The following RAD18 variants were observed in gnomAD, a reference collection of about 807,000 sequenced individuals.
RAD18 encodes the protein RAD18 E3 ubiquitin protein ligase, also known as E3 ubiquitin-protein ligase RAD18.
Under a neutral mutation model 60.4 loss-of-function variants are expected in RAD18, and 47 were observed. The ratio of observed to expected loss-of-function variants is 0.78; its 90% confidence interval spans 0.62 to 0.99. The LOEUF is 0.99. Among genes scored for constraint, RAD18 ranks in the 50% least tolerant of loss-of-function variants. RAD18 has a pLI of 0.00. For missense variants in RAD18, 640 were observed against 593.3 expected (o/e 1.08, Z -0.82); for synonymous variants, 225 against 195.5 (o/e 1.15, Z -1.26).
Position 8,881,465 on chromosome 3 carries a change from GAC to G in RAD18, c.1386-8_1386-7del, listed in dbSNP as rs781575602. ...CTGTGTCTTGAAGATCGTTTCTGAA[GAC>G]AGAAAAAGGAAATGACATCTTGGAA... On this transcript the variant is annotated splice_region_variant and splice_polypyrimidine_tract_variant and intron_variant, in intron 12 of 12. Transcript: ENST00000264926. 2 of 1,579,282 alleles carry G rather than the reference GAC, an allele frequency of 1.3e-6. No individual in the cohort carries two copies.
chr3:8,925,106 A>T (rs1442784809), intron 7 of RAD18, among the ~76,000 whole-genome samples: 1 of 151,948 alleles, frequency 6.6e-6, no homozygotes, highest in African/African-American at 2.4e-5. Flanking sequence ...CCTTCAAAAA[A>T]TCAATGAATC....
At chr3:8,902,159 G>A (rs962736271) in intron 10 of RAD18, among the ~76,000 whole-genome samples, 3 of 152,118 alleles carry the variant, frequency 2.0e-5, no homozygotes, top group Non-Finnish European at 2.9e-5. Context: ...CTGAAAGGAC[G>A]ATAGACAAAA....
chr3:8,939,027 A>G (rs1940700015), intron 6 of RAD18, among the ~76,000 whole-genome samples: 1 of 152,082 alleles, frequency 6.6e-6, no homozygotes, highest in African/African-American at 2.4e-5. Flanking sequence ...CAATACCTGG[A>G]GGATGGGGGG....
At chr3:8,946,564 T>C (rs974730804) in intron 4 of RAD18, among the ~76,000 whole-genome samples, 1 of 152,240 alleles carries the variant, frequency 6.6e-6, no homozygotes, top group Non-Finnish European at 1.5e-5. Context: ...CCTTTTCATA[T>C]CCCTTTGGGT....
chr3:8,912,406 C>T, intron 8 of RAD18, 34 bp from the exon 9 acceptor site: 2 of 1,425,780 alleles, frequency 1.4e-6, no homozygotes, highest in East Asian at 4.7e-5. Context: ...TAATAAAAAT[C>T]TCCCCAAAAT....
At position 8,877,661 on chromosome 3, in the gene RAD18, T is replaced by C. The variant is rs1283982753; in HGVS notation, c.*3696A>G. 1 of 152,246 alleles carries C rather than the reference T, an allele frequency of 6.6e-6. No individual in the cohort carries two copies. Among genetic ancestry groups the C allele is most frequent in the Non-Finnish European group, 1.5e-5 (1 of 68,052 alleles). 9.4% of individuals were successfully genotyped at this position (152,246 alleles called of 1,614,324 possible). A position where few individuals can be genotyped will look rare whatever the true frequency, so the allele number is the denominator to read the frequency against. ...TTGTTGCACTCATCACAGTTGTACA[T>C]TAATCTATATAATTACTTAATGCTC... On this transcript the variant is annotated 3_prime_UTR_variant, in exon 13 of 13. Coordinates refer to ENST00000264926, the MANE Select transcript of RAD18 (RefSeq NM_020165.4).
chr3:8,932,063 A>T (rs561519251), intron 7 of RAD18, among the ~76,000 whole-genome samples: 17 of 152,348 alleles, frequency 1.1e-4, no homozygotes, highest in Admixed American at 7.2e-4. Flanking sequence ...AAAATAACAC[A>T]GGAGAAATTT....
chr3:8,943,624 A>T (rs1940791947), intron 4 of RAD18, among the ~76,000 whole-genome samples: 1 of 152,118 alleles, frequency 6.6e-6, no homozygotes, highest in Admixed American at 6.5e-5. Context: ...AGAAAAACCA[A>T]TGGCTGAGAA....
intron 11 of RAD18, among the ~76,000 whole-genome samples, chr3:8,895,881 A>C (rs1028419945): frequency 5.3e-5 from 8 of 152,358 alleles, no homozygotes; most frequent in African/African-American, 1.9e-4. Flanking sequence ...CATGCTATAC[A>C]TGCTGTTCCG....
chr3:8,892,274 C>T (rs1322866135), intron 11 of RAD18, among the ~76,000 whole-genome samples: 1 of 152,110 alleles, frequency 6.6e-6, no homozygotes, highest in Non-Finnish European at 1.5e-5. Context: ...CTTCAAGAAG[C>T]TGGATGAATG....
Position 8,881,313 on chromosome 3 carries a change from C to T in RAD18, c.*44G>A, listed in dbSNP as rs372609640. 6.7e-5 allele frequency: 98 copies of T among 1,453,334 alleles called. 1 individual carries two copies. The highest frequency in any genetic ancestry group is 4.0e-4 in the South Asian group (34 of 84,138). 90.0% of individuals were successfully genotyped at this position (1,453,334 alleles called of 1,614,324 possible). On this transcript the variant is annotated 3_prime_UTR_variant, in exon 13 of 13. Transcript: ENST00000264926. ...AATCTATCTGTGGCAACCAAAAGTA[C>T]GGTATTCTAATCAATGCATTTGAAA...
chr3:8,937,505 A>G (rs552570813), intron 6 of RAD18, among the ~76,000 whole-genome samples: 2 of 149,968 alleles, frequency 1.3e-5, no homozygotes, highest in Non-Finnish European at 2.9e-5. Flanking sequence ...ATGGTTTTAT[A>G]TAGAAGGGTT....
At chr3:8,948,651 C>T in intron 2 of RAD18, 81 bp from the exon 3 acceptor site, 1 of 1,220,082 alleles carries the variant, frequency 8.2e-7, no homozygotes, top group South Asian at 1.3e-5. Flanking sequence ...AAATCTTAAG[C>T]CCTAGACTAT....
intron 10 of RAD18, among the ~76,000 whole-genome samples, chr3:8,901,187 T>C (rs1235224016): frequency 6.6e-6 from 1 of 152,182 alleles, no homozygotes; most frequent in Non-Finnish European, 1.5e-5. Context: ...CAAGCATTGA[T>C]GAGGATGTGA....
chr3:8,927,044 C>A lies in RAD18; in HGVS notation c.889+8827G>T, dbSNP rs941627913. Among the ~76,000 whole-genome samples, 91 of 152,068 alleles carry A rather than the reference C, an allele frequency of 6.0e-4. No homozygotes were observed. In the South Asian group the frequency reaches 6.7e-3, roughly 11 times the overall value. On this transcript the variant is annotated intron_variant, in intron 7 of 12. Coordinates refer to ENST00000264926, the MANE Select transcript of RAD18 (RefSeq NM_020165.4). ...ACACCAAAAGCAATGGCAACAAAAG[C>A]CAAAAATGACAAATGGGATCTAATT...
chr3:8,945,508 T>C (rs1940825470), intron 4 of RAD18, among the ~76,000 whole-genome samples: 1 of 134,904 alleles, frequency 7.4e-6, no homozygotes. Flanking sequence ...AGTCTTACTC[T>C]GTCGCCAGGC....
chr3:8,893,872 T>C (rs1939740420), intron 11 of RAD18, among the ~76,000 whole-genome samples: 2 of 151,990 alleles, frequency 1.3e-5, no homozygotes, highest in South Asian at 4.2e-4. Context: ...AAATATTTTG[T>C]AGAGATGGCA....
intron 2 of RAD18, among the ~76,000 whole-genome samples, chr3:8,954,098 A>G (rs1044049348): frequency 6.6e-6 from 1 of 152,218 alleles, no homozygotes; most frequent in Non-Finnish European, 1.5e-5. Flanking sequence ...GCAGAGCTGC[A>G]CTTCTGGAAA....
intron 5 of RAD18, among the ~76,000 whole-genome samples, chr3:8,940,572 T>C (rs1236583197): frequency 6.6e-6 from 1 of 152,204 alleles, no homozygotes; most frequent in African/African-American, 2.4e-5. Flanking sequence ...CAAAGATGTC[T>C]AAGAGTTTCT....
Sources: gnomAD v4.1 joint callset for allele counts (sites outside exome capture counted in the v4.1 genomes callset) on GRCh38, gnomAD v4.1.1 for gene constraint, MANE v1.5 for transcripts, NCBI Gene and HGNC (gene_info 2026-07-23, HGNC 2026-07-21) for gene names.